Variants in LTBP1 observed in about 807,000 individuals in gnomAD.
LTBP1 encodes the protein latent transforming growth factor beta binding protein 1.
Under a neutral mutation model 207.6 loss-of-function variants are expected in LTBP1, and 129 were observed. That is an observed-to-expected ratio of 0.62 (90% CI 0.54 to 0.72). The LOEUF (loss-of-function observed/expected upper bound fraction) is 0.72, where lower values mean the gene tolerates loss of function less well. Ranked by LOEUF, LTBP1 falls within the 30% of genes least tolerant of loss-of-function variation. The probability of loss-of-function intolerance (pLI) is 0.00; values close to 1 mark genes in which losing one functional copy is unlikely to be tolerated. For synonymous variants in LTBP1, 963 were observed against 833.7 expected (o/e 1.16, Z -2.67); for missense variants, 2,281 against 2,217.2 (o/e 1.03, Z -0.58).
chr2:33,182,385 G>A (rs918984577), intron 5 of LTBP1, among the ~76,000 whole-genome samples: 1 of 151,896 alleles, frequency 6.6e-6, no homozygotes, highest in South Asian at 2.1e-4. Context: ...GGTGTTGGCC[G>A]GGCGCAGTGG....
chr2:33,276,970 C>T (rs138403907), intron 18 of LTBP1, among the ~76,000 whole-genome samples: 80 of 152,294 alleles, frequency 5.3e-4, no homozygotes, highest in African/African-American at 1.6e-3. Flanking sequence ...TGAAGGAACA[C>T]GGGATCTGTG....
intron 18 of LTBP1, among the ~76,000 whole-genome samples, chr2:33,277,027 T>C (rs2093439691): frequency 1.3e-5 from 2 of 152,314 alleles, no homozygotes; most frequent in African/African-American, 2.4e-5. Flanking sequence ...CCTGCCTGGC[T>C]GTCAGCAGAG....
intron 2 of LTBP1, among the ~76,000 whole-genome samples, chr2:33,018,290 A>G (rs1244494430): frequency 6.6e-6 from 1 of 151,868 alleles, no homozygotes; most frequent in Non-Finnish European, 1.5e-5. Context: ...TTGGTGGTAC[A>G]TTGGAGGATG....
At chr2:33,118,050 T>TAATC (rs1199002485) in intron 4 of LTBP1, among the ~76,000 whole-genome samples, 2 of 152,120 alleles carry the variant, frequency 1.3e-5, no homozygotes, top group African/African-American at 4.8e-5. Context: ...TCCTCGCTGA[T>TAATC]AGGTCCTGAC....
At chr2:33,001,331 G>A (rs1271950382) in intron 2 of LTBP1, among the ~76,000 whole-genome samples, 1 of 135,340 alleles carries the variant, frequency 7.4e-6, no homozygotes, top group Non-Finnish European at 1.6e-5. Flanking sequence ...GCTTGTTAAA[G>A]CACAGATTGC....
intron 3 of LTBP1, among the ~76,000 whole-genome samples, chr2:33,065,637 T>C (rs1331087889): frequency 6.6e-6 from 1 of 152,186 alleles, no homozygotes; most frequent in Non-Finnish European, 1.5e-5. Context: ...TGTGGACCCT[T>C]TTTAAAGAAT....
intron 3 of LTBP1, among the ~76,000 whole-genome samples, chr2:33,047,728 C>T (rs544786430): frequency 9.9e-5 from 15 of 152,210 alleles, no homozygotes; most frequent in Middle Eastern, 3.4e-3. Flanking sequence ...TAAAGTCTCC[C>T]ACTATTATTG....
intron 31 of LTBP1, among the ~76,000 whole-genome samples, chr2:33,377,841 G>A (rs1290064357): frequency 1.3e-5 from 2 of 152,106 alleles, no homozygotes; most frequent in African/African-American, 2.4e-5. Context: ...CCTGGCGACA[G>A]GACAGAAGGA....
At chr2:33,380,607 A>C (rs1271427899) in intron 31 of LTBP1, among the ~76,000 whole-genome samples, 2 of 152,096 alleles carry the variant, frequency 1.3e-5, no homozygotes, top group Admixed American at 1.3e-4. Context: ...AAATCATAGA[A>C]TATGCAAGCT....
intron 2 of LTBP1, among the ~76,000 whole-genome samples, chr2:32,977,943 T>TTCACTGCTTGGGTTAATAA (rs1682084757): frequency 6.6e-6 from 1 of 152,220 alleles, no homozygotes; most frequent in Non-Finnish European, 1.5e-5. Context: ...CTGCTTGGGT[T>TTCACTGCTTGGGTTAATAA]AATTCCTAGG....
intron 5 of LTBP1, among the ~76,000 whole-genome samples, chr2:33,167,911 G>T (rs1322564311): frequency 6.6e-6 from 1 of 152,202 alleles, no homozygotes; most frequent in Non-Finnish European, 1.5e-5. Context: ...AATTAGTTAA[G>T]CAGGAAATTG....
In LTBP1 at chr2:33,029,433, C is replaced by T. The variant is rs142647501; in HGVS notation, c.863+8227C>T. ...TGGAGGTTGCAGTGGGCTGAGATTG[C>T]GCCACTGCGCTCCAGCATGGGCAAC... is the stretch of plus-strand genomic sequence containing the variant. On this transcript the variant is annotated intron_variant, in intron 3 of 33. Transcript: ENST00000404816. Among the ~76,000 whole-genome samples, 768 of 152,146 alleles carry T rather than the reference C, an allele frequency of 5.0e-3. 4 individuals are homozygous for T. The highest frequency in any genetic ancestry group is 9.0e-3 in the Non-Finnish European group (613 of 68,014).
Position 33,398,284 on chromosome 2 carries a change from G to T in LTBP1, c.4985-80G>T, listed in dbSNP as rs2095378205. The T allele has an allele frequency of 2.1e-5, 28 of 1,338,920 alleles. No homozygotes were observed. In the South Asian group the frequency reaches 3.4e-4, roughly 16 times the overall value. The allele number at this position is 1,338,920 out of a possible 1,614,324, so 82.9% of individuals were successfully genotyped here. On this transcript the variant is annotated intron_variant, in intron 33 of 33. Coordinates refer to ENST00000404816, the MANE Select transcript of LTBP1 (RefSeq NM_206943.4). Reference sequence around the variant, plus strand: ...CTTCCTTGGGGTGGTCGGGGGAAGGGCCTCAGGTAAGCCTCAGGTTATGTG... The same window carrying T: ...CTTCCTTGGGGTGGTCGGGGGAAGGTCCTCAGGTAAGCCTCAGGTTATGTG...
intron 24 of LTBP1, among the ~76,000 whole-genome samples, chr2:33,335,053 C>T (rs1428571734): frequency 6.6e-6 from 1 of 151,792 alleles, no homozygotes; most frequent in East Asian, 1.9e-4. Context: ...AGCCATGGCA[C>T]TCTCTCTCAC....
At chr2:33,201,641 A>AAG (rs1553451063) in intron 7 of LTBP1, among the ~76,000 whole-genome samples, 1 of 112,600 alleles carries the variant, frequency 8.9e-6, no homozygotes, top group Non-Finnish European at 2.1e-5. Flanking sequence ...TAATAAAAAA[A>AAG]AAGAAGAAGA....
intron 3 of LTBP1, among the ~76,000 whole-genome samples, chr2:33,072,092 G>A (rs957322795): frequency 2.6e-5 from 4 of 152,162 alleles, no homozygotes; most frequent in African/African-American, 4.8e-5. Flanking sequence ...TGACCAACCA[G>A]TGTCAAGTTG....
At chr2:33,291,494 T>A (rs761640718) in intron 19 of LTBP1, 6 of 152,248 alleles carry the variant, frequency 3.9e-5, no homozygotes, top group Admixed American at 6.5e-5. Flanking sequence ...ATTATTTACT[T>A]TGGCTCCAAT....
chr2:33,363,977 A>ATGGATGTT (rs147684906), intron 29 of LTBP1, among the ~76,000 whole-genome samples: 9 of 152,314 alleles, frequency 5.9e-5, no homozygotes, highest in Admixed American at 1.3e-4. Flanking sequence ...TATCCTGTTC[A>ATGGATGTT]TGGATGTTTT....
chr2:32,991,523 G>A (rs2148858692), intron 2 of LTBP1, among the ~76,000 whole-genome samples: 1 of 152,302 alleles, frequency 6.6e-6, no homozygotes, highest in African/African-American at 2.4e-5. Flanking sequence ...GAGATCAGAG[G>A]ATGAACTCAT....
Sources: allele counts gnomAD v4.1 joint callset (sites outside exome capture counted in the v4.1 genomes callset), GRCh38; gene constraint gnomAD v4.1.1; transcripts MANE v1.5; gene names NCBI Gene and HGNC (gene_info 2026-07-23, HGNC 2026-07-21).